The following TRPM3 variants were observed in gnomAD, a reference collection of about 807,000 sequenced individuals.
TRPM3 encodes the protein long transient receptor potential channel 3.
In TRPM3, 77 loss-of-function variants were observed where a neutral mutation model predicts 181.2. The ratio of observed to expected loss-of-function variants is 0.42; its 90% CI spans 0.35 to 0.51. The LOEUF (loss-of-function observed/expected upper bound fraction) is 0.51. Ranked by LOEUF, TRPM3 falls within the 20% of genes least tolerant of loss-of-function variation. The pLI is 0.01. For missense variants in TRPM3, 1,759 were observed against 2,196.7 expected (o/e 0.80, Z 3.98); for synonymous variants, 745 against 796.4 (o/e 0.94, Z 1.09).
chr9:70,863,243 A>T, intron 2 of TRPM3, 131 bp from the exon 3 acceptor site: 1 of 699,622 alleles, frequency 1.4e-6, no homozygotes, highest in South Asian at 2.0e-5. Context: ...GAATTCCACC[A>T]TGTGGCTATA....
intron 19 of TRPM3, 42 bp downstream of exon 19, chr9:70,610,567 T>A: frequency 1.2e-6 from 2 of 1,600,392 alleles, no homozygotes; most frequent in Non-Finnish European, 1.7e-6. Context: ...CGTTGGCTCC[T>A]TGTGGCCATC....
At chr9:70,793,537 A>G (rs2086169739) in intron 6 of TRPM3, 1 of 441,024 alleles carries the variant, frequency 2.3e-6, no homozygotes, top group Admixed American at 2.4e-5. Context: ...ATAAACATAC[A>G]TACATATATA....
chr9:70,790,531 T>C (rs1297209174), intron 6 of TRPM3, among the ~76,000 whole-genome samples: 2 of 152,198 alleles, frequency 1.3e-5, no homozygotes, highest in Non-Finnish European at 1.5e-5. Context: ...ATTCATGTAC[T>C]TTGACATTAT....
intron 1 of TRPM3, among the ~76,000 whole-genome samples, chr9:71,354,907 G>C (rs1342169019): frequency 6.6e-6 from 1 of 152,228 alleles, no homozygotes; most frequent in Non-Finnish European, 1.5e-5. Flanking sequence ...AAATGTCCTT[G>C]TAGCTCCTTT....
chr9:70,884,336 A>G (rs1318855976), intron 1 of TRPM3, among the ~76,000 whole-genome samples: 4 of 152,386 alleles, frequency 2.6e-5, no homozygotes, highest in African/African-American at 4.8e-5. Flanking sequence ...ACTCCTGCTC[A>G]GAGAACTCTG....
At chr9:71,010,397 CA>C (rs2097723311) in intron 1 of TRPM3, among the ~76,000 whole-genome samples, 1 of 151,662 alleles carries the variant, frequency 6.6e-6, no homozygotes. Flanking sequence ...AACAAACAAA[CA>C]AAAAAACAAA....
chr9:70,898,531 C>T (rs1431363561), intron 1 of TRPM3, among the ~76,000 whole-genome samples: 3 of 150,526 alleles, frequency 2.0e-5, no homozygotes, highest in East Asian at 2.0e-4. Context: ...GGGCGGATCA[C>T]GAGGCCAGGA....
chr9:70,826,091 T>C (rs2093539684), intron 6 of TRPM3: 1 of 152,282 alleles, frequency 6.6e-6, no homozygotes, highest in Non-Finnish European at 1.5e-5. Context: ...AATTTATTCC[T>C]TGTTTCCTTG....
chr9:70,793,698 C>T (rs1452520195), intron 6 of TRPM3: 5 of 468,014 alleles, frequency 1.1e-5, no homozygotes, highest in Non-Finnish European at 2.2e-5. Flanking sequence ...CTATGAAAAC[C>T]TGGCAGGAAA....
chr9:70,746,411 A>G (rs1398152172), intron 8 of TRPM3, among the ~76,000 whole-genome samples: 3 of 152,138 alleles, frequency 2.0e-5, no homozygotes, highest in Non-Finnish European at 4.4e-5. Flanking sequence ...TGCCAACATC[A>G]GCTTCACACA....
At chr9:70,582,069 G>C (rs2055932773) in intron 22 of TRPM3, among the ~76,000 whole-genome samples, 1 of 151,696 alleles carries the variant, frequency 6.6e-6, no homozygotes, top group Non-Finnish European at 1.5e-5. Flanking sequence ...CTTGAATGCA[G>C]CTGGAATTTT....
chr9:71,332,475 A>G (rs1554878360), intron 1 of TRPM3, among the ~76,000 whole-genome samples: 1 of 151,284 alleles, frequency 6.6e-6, no homozygotes, highest in Non-Finnish European at 1.5e-5. Flanking sequence ...GCTAAGAGAG[A>G]CGTTTTATTA....
In TRPM3 at chr9:71,183,157, G is replaced by GATATTAAT. The variant is rs528394121; in HGVS notation, c.183+263495_183+263496insATTAATAT. ...ACGTTATTCAACATCCACCACTTAA[G>GATATTAAT]TAAGACTTAATATCAAAAAAAAATA... On this transcript the variant is annotated intron_variant, in intron 1 of 24. Coordinates refer to the TRPM3 transcript ENST00000357533. Among the ~76,000 whole-genome samples the GATATTAAT allele has an allele frequency of 6.1e-3, 927 of 152,186 alleles. 12 individuals carry two copies. The highest frequency in any genetic ancestry group is 0.021 in the African/African-American group (878 of 41,530).
rs1438129768 is a variant in TRPM3 at position 70,619,023 on chromosome 9, C to T, written c.2202G>A (p.Leu734=). 3.1e-6 allele frequency: 5 copies of T among 1,614,224 alleles called. No homozygotes were observed. Among genetic ancestry groups the T allele is most frequent in the Middle Eastern group, 3.3e-4 (2 of 6,060 alleles). The change falls in exon 17 of 26, where the codon CTG becomes CTA. Residue 734 remains leucine, a synonymous_variant. Transcript: ENST00000677713. Reference sequence around the variant, plus strand: ...TCCAGTTCTTCAGCTCATACGTCAGCAGTTTCATGGCCAGCTGTTCGTCCT... The same window carrying T: ...TCCAGTTCTTCAGCTCATACGTCAGTAGTTTCATGGCCAGCTGTTCGTCCT... The part of the protein sequence containing the change: ...YKQDEQLAMK[L]LTYELKNWSN...
chr9:70,826,583 C>T (rs1186155487), intron 6 of TRPM3: 1 of 152,198 alleles, frequency 6.6e-6, no homozygotes, highest in Non-Finnish European at 1.5e-5. Flanking sequence ...GAAGGAGAAG[C>T]TGTGGTCTGA....
intron 1 of TRPM3, among the ~76,000 whole-genome samples, chr9:71,049,573 G>A (rs868616257): frequency 5.9e-5 from 9 of 152,130 alleles, no homozygotes; most frequent in South Asian, 2.1e-4. Context: ...GGCCTAAGGA[G>A]CCCAAGCCAG....
intron 1 of TRPM3, among the ~76,000 whole-genome samples, chr9:71,043,305 T>G (rs1046633047): frequency 1.3e-5 from 2 of 152,262 alleles, no homozygotes; most frequent in African/African-American, 4.8e-5. Flanking sequence ...GAGGTTGAAA[T>G]TGGGGGCAGT....
At position 70,843,533 on chromosome 9, in the gene TRPM3, CCA is replaced by C. The variant is rs542010722; in HGVS notation, c.677-408_677-407del. On this transcript the variant is annotated intron_variant, in intron 4 of 25. Transcript: ENST00000677713. ...TGTATAATGGTATGTTAAATCTACACCACAGTCTGTATATGAGTTAAATTCAT... is the reference window on the plus strand; with the variant it reads ...TGTATAATGGTATGTTAAATCTACACCAGTCTGTATATGAGTTAAATTCAT... Among the ~76,000 whole-genome samples, 24 of 152,274 alleles carry C rather than the reference CCA, an allele frequency of 1.6e-4. No homozygotes were observed. In the South Asian group the frequency reaches 4.8e-3, roughly 30 times the overall value.
intron 6 of TRPM3, among the ~76,000 whole-genome samples, chr9:70,799,589 T>C (rs185659174): frequency 3.9e-5 from 6 of 152,336 alleles, no homozygotes; most frequent in Admixed American, 6.5e-5. Flanking sequence ...ACATCTAGCC[T>C]CTTGTCTTTC....
Sources: allele counts gnomAD v4.1 joint callset (sites outside exome capture counted in the v4.1 genomes callset), GRCh38; gene constraint gnomAD v4.1.1; transcripts MANE v1.5; gene names NCBI Gene and HGNC (gene_info 2026-07-23, HGNC 2026-07-21).